Variants in ADAMTSL1 observed in about 807,000 individuals in gnomAD.
The protein encoded by ADAMTSL1 is ADAMTS like 1, also known as ADAMTS-like protein 1.
In ADAMTSL1, 126 loss-of-function variants were observed where a neutral mutation model predicts 201.8. The ratio of observed to expected loss-of-function variants is 0.62; its 90% CI spans 0.54 to 0.72. The LOEUF (loss-of-function observed/expected upper bound fraction) is 0.72, where lower values mean the gene tolerates loss of function less well. ADAMTSL1 is among the 30% of genes least tolerant of loss of function. The probability of loss-of-function intolerance (pLI) is 0.00; values close to 1 mark genes in which losing one functional copy is unlikely to be tolerated. For synonymous variants in ADAMTSL1, 1,121 were observed against 903.4 expected, an observed-to-expected ratio of 1.24 and a Z score of -4.32; for missense variants, 2,679 against 2,277.8, an observed-to-expected ratio of 1.18 and a Z score of -3.59.
intron 2 of ADAMTSL1, among the ~76,000 whole-genome samples, chr9:18,508,456 G>C (rs1459706327): frequency 6.6e-6 from 1 of 152,152 alleles, no homozygotes; most frequent in South Asian, 2.1e-4. Flanking sequence ...TATATAGTTT[G>C]AATGCATCTG....
At chr9:18,430,203 A>G (rs1443065100) in intron 2 of ADAMTSL1, among the ~76,000 whole-genome samples, 1 of 152,180 alleles carries the variant, frequency 6.6e-6, no homozygotes, top group Admixed American at 6.5e-5. Context: ...TGGGCCTGAG[A>G]TTGCGCATTC....
intron 1 of ADAMTSL1, among the ~76,000 whole-genome samples, chr9:17,957,330 G>T (rs1827969551): frequency 6.6e-6 from 1 of 152,108 alleles, no homozygotes; most frequent in South Asian, 2.1e-4. Context: ...TGCTGCTGTT[G>T]CTTCTTCCCT....
chr9:18,182,186 C>G (rs1417404524), intron 2 of ADAMTSL1, among the ~76,000 whole-genome samples: 1 of 150,656 alleles, frequency 6.6e-6, no homozygotes, highest in African/African-American at 2.4e-5. Flanking sequence ...ATACGTAATG[C>G]TAGATGACGA....
chr9:18,171,861 G>A (rs1304121636), intron 2 of ADAMTSL1, among the ~76,000 whole-genome samples: 2 of 152,062 alleles, frequency 1.3e-5, no homozygotes, highest in African/African-American at 2.4e-5. Flanking sequence ...TTTGTGTAAG[G>A]TGTAAGGAAG....
chr9:18,660,445 C>G (rs1829008353), intron 8 of ADAMTSL1, among the ~76,000 whole-genome samples: 2 of 152,148 alleles, frequency 1.3e-5, no homozygotes, highest in South Asian at 4.1e-4. Context: ...TTTGCTCTAA[C>G]TCTTCATTTT....
At chr9:17,906,766 G>C (rs117878284) in exon 1 of ADAMTSL1, 12,462 of 152,666 alleles carry the variant, frequency 0.082, 563 homozygotes, top group Non-Finnish European at 0.098. Flanking sequence ...CGCAATCAGC[G>C]CAGGAGGCGG....
At chr9:18,547,942 A>G (rs1323859503) in intron 3 of ADAMTSL1, among the ~76,000 whole-genome samples, 1 of 152,016 alleles carries the variant, frequency 6.6e-6, no homozygotes, top group African/African-American at 2.4e-5. Context: ...TTCACTAAAA[A>G]TGAGCCTGCA....
rs529624475 is a variant in ADAMTSL1, at chr9:18,881,362, G to C, written c.4250-6469G>C. 2.3e-3 allele frequency among the ~76,000 whole-genome samples: 348 copies of C among 152,026 alleles called. 4 individuals carry two copies. Among genetic ancestry groups the C allele is most frequent in the Non-Finnish European group, 2.7e-3 (187 of 68,014 alleles). On this transcript the variant is annotated intron_variant, in intron 23 of 28. Coordinates refer to ENST00000380548, the MANE Select transcript of ADAMTSL1 (RefSeq NM_001040272.6). ...AGATGTACAACTTTTTCTTTGTCTT[G>C]AACACTTAGATGCCACTGTAGGATT...
chr9:17,938,926 T>C (rs184236635), intron 1 of ADAMTSL1, among the ~76,000 whole-genome samples: 1 of 152,160 alleles, frequency 6.6e-6, no homozygotes, highest in African/African-American at 2.4e-5. Flanking sequence ...TGTCTTGTTT[T>C]GACAAGTCAT....
intron 1 of ADAMTSL1, among the ~76,000 whole-genome samples, chr9:18,037,177 T>G (rs1282097122): frequency 6.6e-6 from 1 of 152,200 alleles, no homozygotes; most frequent in Non-Finnish European, 1.5e-5. Context: ...GGAAAAAAAC[T>G]TCAAGCTAGA....
intron 1 of ADAMTSL1, among the ~76,000 whole-genome samples, chr9:18,048,007 T>C (rs1662687040): frequency 6.6e-6 from 1 of 152,156 alleles, no homozygotes; most frequent in South Asian, 2.1e-4. Flanking sequence ...AAGAACAAAG[T>C]GTTGAACACT....
intron 1 of ADAMTSL1, among the ~76,000 whole-genome samples, chr9:18,070,608 G>A (rs1196712550): frequency 6.6e-6 from 1 of 152,156 alleles, no homozygotes; most frequent in Non-Finnish European, 1.5e-5. Context: ...ATTCTAGTAA[G>A]CTTGAACTAA....
intron 2 of ADAMTSL1, among the ~76,000 whole-genome samples, chr9:18,298,998 C>A (rs548131129): frequency 7.0e-6 from 1 of 142,020 alleles, no homozygotes; most frequent in South Asian, 2.5e-4. Flanking sequence ...GGCGACAGAG[C>A]CAGACTCCGT....
chr9:18,527,003 T>G (rs541650310), intron 2 of ADAMTSL1, among the ~76,000 whole-genome samples: 2 of 152,276 alleles, frequency 1.3e-5, no homozygotes, highest in South Asian at 4.1e-4. Flanking sequence ...AGGCTTGTAT[T>G]CACAGTGCTT....
intron 2 of ADAMTSL1, among the ~76,000 whole-genome samples, chr9:18,333,233 C>G (rs1047029001): frequency 1.3e-5 from 2 of 152,094 alleles, no homozygotes; most frequent in African/African-American, 2.4e-5. Context: ...ATGGCAATCC[C>G]CATAATTTCT....
chr9:18,150,774 C>A (rs1237573819), intron 1 of ADAMTSL1, among the ~76,000 whole-genome samples: 1 of 151,742 alleles, frequency 6.6e-6, no homozygotes, highest in Non-Finnish European at 1.5e-5. Context: ...ATTCAGAGTG[C>A]AGATGGAAGA....
intron 20 of ADAMTSL1, among the ~76,000 whole-genome samples, chr9:18,816,089 C>G (rs1448175289): frequency 2.6e-5 from 4 of 152,100 alleles, no homozygotes; most frequent in Non-Finnish European, 5.9e-5. Context: ...CTTATTCCTC[C>G]TATGTAACTA....
chr9:18,540,176 T>A (rs1299171026), intron 3 of ADAMTSL1, among the ~76,000 whole-genome samples: 1 of 152,192 alleles, frequency 6.6e-6, no homozygotes, highest in Non-Finnish European at 1.5e-5. Flanking sequence ...ATTTACCAGG[T>A]CTCAGGCACT....
At chr9:18,843,033 C>T (rs1018656286) in intron 23 of ADAMTSL1, among the ~76,000 whole-genome samples, 1 of 152,042 alleles carries the variant, frequency 6.6e-6, no homozygotes, top group Non-Finnish European at 1.5e-5. Flanking sequence ...AGTCCATTGA[C>T]ATTTAAAGTT....
Sources: gnomAD v4.1 joint callset for allele counts (sites outside exome capture counted in the v4.1 genomes callset) on GRCh38, gnomAD v4.1.1 for gene constraint, MANE v1.5 for transcripts, NCBI Gene and HGNC (gene_info 2026-07-23, HGNC 2026-07-21) for gene names.